The following RNLS variants were observed in gnomAD, a reference collection of about 807,000 sequenced individuals.
RNLS encodes the protein renalase.
A neutral mutation model predicts 39.8 loss-of-function variants in RNLS; 39 were observed. The observed-to-expected ratio is 0.98, with a 90% CI of 0.76 to 1.28. RNLS has a LOEUF of 1.28. Ranked by LOEUF, RNLS falls within the 50% of genes most tolerant of loss-of-function variation. RNLS has a pLI of 0.00. For missense variants in RNLS, 410 were observed against 413.3 expected (o/e 0.99, Z 0.07); for synonymous variants, 147 against 150.7 (o/e 0.98, Z 0.18).
chr10:88,466,286 C>A (rs948188298), intron 4 of RNLS, among the ~76,000 whole-genome samples: 16 of 152,112 alleles, frequency 1.1e-4, no homozygotes, highest in African/African-American at 3.4e-4. Flanking sequence ...ATAAAAAATT[C>A]TGTCATGAGG....
Position 88,562,294 on chromosome 10 carries a change from T to C in RNLS, c.526+10609A>G, listed in dbSNP as rs145303654. Among the ~76,000 whole-genome samples, 528 of 152,208 alleles carry C rather than the reference T, an allele frequency of 3.5e-3. 5 individuals are homozygous for C. The highest frequency in any genetic ancestry group is 0.012 in the African/African-American group (495 of 41,538). On this transcript the variant is annotated intron_variant, in intron 4 of 6. Coordinates refer to ENST00000331772, the MANE Select transcript of RNLS (RefSeq NM_001031709.3). The stretch of plus-strand genomic sequence containing the variant: ...AAACTGGAAACCACATGAAAGTCCA[T>C]AGATAAACAAGAGATGAAAGACTAA...
At chr10:88,514,099 C>T (rs961312272) in intron 4 of RNLS, among the ~76,000 whole-genome samples, 1 of 150,498 alleles carries the variant, frequency 6.6e-6, no homozygotes, top group African/African-American at 2.4e-5. Flanking sequence ...CAATAAACAA[C>T]TGCCCGAGAC....
chr10:88,506,869 C>T (rs1269535223), intron 4 of RNLS, among the ~76,000 whole-genome samples: 1 of 152,090 alleles, frequency 6.6e-6, no homozygotes, highest in Non-Finnish European at 1.5e-5. Flanking sequence ...AATGCTCCAC[C>T]ACTGAAGTGG....
chr10:88,481,972 G>A lies in RNLS; in HGVS notation c.526+90931C>T, dbSNP rs570507231. ...AGTTTTAATGAATATAGAATTCTTC[G>A]TTGATTTTTTTTTCTTCCAGTATCT... On this transcript the variant is annotated intron_variant, in intron 4 of 6. Coordinates refer to ENST00000331772, the MANE Select transcript of RNLS (RefSeq NM_001031709.3). 6.9e-4 allele frequency among the ~76,000 whole-genome samples: 105 copies of A among 151,904 alleles called. No individual in the cohort carries two copies. In the South Asian group the frequency reaches 0.012, roughly 18 times the overall value.
chr10:88,268,566 C>T, the RNLS span, among the ~76,000 whole-genome samples: 8 of 152,146 alleles, frequency 5.3e-5, no homozygotes, highest in Admixed American at 2.0e-4. Flanking sequence ...ATGGCTTAAG[C>T]GAAAGAAGAA....
At chr10:88,551,153 C>A (rs1848584753) in intron 4 of RNLS, among the ~76,000 whole-genome samples, 1 of 152,114 alleles carries the variant, frequency 6.6e-6, no homozygotes, top group African/African-American at 2.4e-5. Flanking sequence ...CCTGATGTCC[C>A]CAGGCCACCC....
At chr10:88,465,901 T>C (rs1203929565) in intron 4 of RNLS, among the ~76,000 whole-genome samples, 1 of 152,102 alleles carries the variant, frequency 6.6e-6, no homozygotes, top group Admixed American at 6.6e-5. Context: ...TATTTTGGGA[T>C]ACATGGAGTC....
At chr10:88,264,276 T>C in the RNLS span, among the ~76,000 whole-genome samples, 3 of 152,346 alleles carry the variant, frequency 2.0e-5, no homozygotes, top group Non-Finnish European at 2.9e-5. Flanking sequence ...TGTGCTGCTA[T>C]AAACATGCAT....
chr10:88,371,726 T>C (rs949899270), intron 4 of RNLS, among the ~76,000 whole-genome samples: 7 of 152,296 alleles, frequency 4.6e-5, no homozygotes, highest in South Asian at 4.1e-4. Flanking sequence ...GAGATTATTT[T>C]CTGGTAAACA....
At chr10:88,346,576 A>G (rs1848321938) in intron 5 of RNLS, among the ~76,000 whole-genome samples, 1 of 152,166 alleles carries the variant, frequency 6.6e-6, no homozygotes, top group African/African-American at 2.4e-5. Flanking sequence ...TTTAGAGATA[A>G]ACAATTTGCT....
At chr10:88,445,014 T>C (rs962125363) in intron 4 of RNLS, among the ~76,000 whole-genome samples, 1 of 152,050 alleles carries the variant, frequency 6.6e-6, no homozygotes, top group Non-Finnish European at 1.5e-5. Flanking sequence ...AGACACATAA[T>C]GTCAGATTCA....
chr10:88,525,316 G>A (rs1847047025), intron 4 of RNLS, among the ~76,000 whole-genome samples: 2 of 151,710 alleles, frequency 1.3e-5, no homozygotes, highest in Non-Finnish European at 1.5e-5. Context: ...AAAGGCACTG[G>A]GAAAGCCCTA....
chr10:88,570,433 T>TTCAGTTGG (rs1849757013), intron 4 of RNLS, among the ~76,000 whole-genome samples: 1 of 152,230 alleles, frequency 6.6e-6, no homozygotes, highest in South Asian at 2.1e-4. Flanking sequence ...AACACATTCA[T>TTCAGTTGG]TCAGTTGGTC....
At chr10:88,392,492 T>C (rs1750511227) in intron 4 of RNLS, among the ~76,000 whole-genome samples, 2 of 152,208 alleles carry the variant, frequency 1.3e-5, no homozygotes, top group Non-Finnish European at 2.9e-5. Flanking sequence ...ACAGAGCCCT[T>C]AGGCAAAGAT....
intron 4 of RNLS, among the ~76,000 whole-genome samples, chr10:88,479,297 T>C (rs917535175): frequency 3.3e-5 from 5 of 152,224 alleles, no homozygotes; most frequent in African/African-American, 1.2e-4. Context: ...ATAGAATTCC[T>C]ATAATTTTAG....
the RNLS span, among the ~76,000 whole-genome samples, chr10:88,237,993 G>A: frequency 6.6e-6 from 1 of 152,146 alleles, no homozygotes; most frequent in South Asian, 2.1e-4. Flanking sequence ...GACAGGCAGG[G>A]TTTATTTTAG....
rs568551794 is a variant in RNLS, at chr10:88,466,203, A to G, written c.527-103478T>C. 2.0e-5 allele frequency among the ~76,000 whole-genome samples: 3 copies of G among 152,230 alleles called. No individual in the cohort carries two copies. The East Asian group carries it at 5.8e-4, about 29-fold the overall frequency. ...ATTAGAAGGACAAGCTAAACTGGAGAAAAGCAACAGTTCCTTTCTGAATAT... is the reference window on the plus strand; with the variant it reads ...ATTAGAAGGACAAGCTAAACTGGAGGAAAGCAACAGTTCCTTTCTGAATAT... On this transcript the variant is annotated intron_variant, in intron 4 of 6. Coordinates refer to ENST00000331772, the MANE Select transcript of RNLS (RefSeq NM_001031709.3).
chr10:88,236,739 A>AG, the RNLS span, among the ~76,000 whole-genome samples: 7 of 152,264 alleles, frequency 4.6e-5, no homozygotes, highest in African/African-American at 1.7e-4. Context: ...AGGCCTGTGC[A>AG]GATAAAGCAG....
Position 88,285,520 on chromosome 10 carries a change from AAG to A in RNLS, c.877-16_877-15del. 1.2e-6 allele frequency: 2 copies of A among 1,610,384 alleles called. No homozygotes were observed. The highest frequency in any genetic ancestry group is 1.7e-6 in the Non-Finnish European group (2 of 1,177,184). On this transcript the variant is annotated splice_polypyrimidine_tract_variant and intron_variant, in intron 6 of 6. Coordinates refer to ENST00000331772, the MANE Select transcript of RNLS (RefSeq NM_001031709.3). ...AGCATTTGTAACCTGAAAAAGTAAA[AAG>A]AGGATTGCAATTGACATTCTGTGCT...
Sources: allele counts gnomAD v4.1 joint callset (sites outside exome capture counted in the v4.1 genomes callset), GRCh38; gene constraint gnomAD v4.1.1; transcripts MANE v1.5; gene names NCBI Gene and HGNC (gene_info 2026-07-23, HGNC 2026-07-21).